DIAPH2: variants seen among roughly 807,000 people sequenced by gnomAD.
DIAPH2 encodes the protein diaphanous related formin 2, also known as protein diaphanous homolog 2.
Under a neutral mutation model 92.7 loss-of-function variants are expected in DIAPH2, and 35 were observed. That is an observed-to-expected ratio of 0.38 (90% CI 0.29 to 0.50). The LOEUF (loss-of-function observed/expected upper bound fraction) is 0.50, where lower values mean the gene tolerates loss of function less well. Ranked by LOEUF, DIAPH2 falls within the 20% of genes least tolerant of loss-of-function variation. DIAPH2 has a pLI of 0.94. For synonymous variants in DIAPH2, 301 were observed against 280.4 expected (o/e 1.07, Z -0.73); for missense variants, 701 against 819.5 (o/e 0.86, Z 1.77).
intron 15 of DIAPH2, among the ~76,000 whole-genome samples, chrX:96,951,164 C>T (rs1255084105): frequency 9.1e-6 from 1 of 110,018 alleles, no homozygotes; most frequent in Admixed American, 9.7e-5. Flanking sequence ...GAGCACCCTT[C>T]AACATCTCCT....
chrX:96,821,072 G>A lies in DIAPH2; in HGVS notation c.448-60507G>A, dbSNP rs775772696. Reference sequence around the variant, plus strand: ...CCAGTTTGGGTAGGAAGTAGTATGAGCGCCAAGTGATAGGAGAATCGATCA... The same window carrying A: ...CCAGTTTGGGTAGGAAGTAGTATGAACGCCAAGTGATAGGAGAATCGATCA... On this transcript the variant is annotated intron_variant, in intron 4 of 26. Coordinates refer to ENST00000324765, the MANE Select transcript of DIAPH2 (RefSeq NM_006729.5). Among the ~76,000 whole-genome samples the A allele has an allele frequency of 5.4e-5, 6 of 111,562 alleles. No homozygotes were observed. The East Asian group carries it at 1.7e-3, about 31-fold the overall frequency.
chrX:96,705,303 C>T (rs1022020704), intron 1 of DIAPH2, among the ~76,000 whole-genome samples: 6 of 111,126 alleles, frequency 5.4e-5, no homozygotes, highest in African/African-American at 1.6e-4. Flanking sequence ...GAGCTATGAT[C>T]GTGCCACTGC....
chrX:97,213,834 A>G (rs1282313344), intron 22 of DIAPH2, among the ~76,000 whole-genome samples: 1 of 112,262 alleles, frequency 8.9e-6, no homozygotes, highest in African/African-American at 3.2e-5. Context: ...TACACATAGT[A>G]AGGGAAACAG....
chrX:97,272,199 A>C (rs778162159), intron 23 of DIAPH2, among the ~76,000 whole-genome samples: 1 of 110,063 alleles, frequency 9.1e-6, no homozygotes, highest in Non-Finnish European at 1.9e-5. Flanking sequence ...GGGTTTCACT[A>C]TCTTGGCCAG....
At position 96,700,302 on chromosome X, in the gene DIAPH2, C is replaced by T. The variant is rs145222523; in HGVS notation, c.132+15112C>T. Among the ~76,000 whole-genome samples, 605 of 112,546 alleles carry T rather than the reference C, an allele frequency of 5.4e-3. 6 individuals carry two copies. Among genetic ancestry groups the T allele is most frequent in the Non-Finnish European group, 6.8e-3 (364 of 53,283 alleles). On this transcript the variant is annotated intron_variant, in intron 1 of 26. Transcript: ENST00000324765. ...TACAGGCCTGAGCCATGCATCTGGC[C>T]TGAATTTTAGATTCTATGGTACAGT...
At chrX:96,930,432 C>T (rs1378100583) in intron 9 of DIAPH2, among the ~76,000 whole-genome samples, 1 of 111,030 alleles carries the variant, frequency 9.0e-6, no homozygotes, top group African/African-American at 3.3e-5. Context: ...TTTCAAAGGG[C>T]TCTGTCTGCC....
chrX:96,877,489 T>A (rs890397820), intron 4 of DIAPH2, among the ~76,000 whole-genome samples: 1 of 111,883 alleles, frequency 8.9e-6, no homozygotes, highest in Non-Finnish European at 1.9e-5. Context: ...TTGCTATCTA[T>A]GTGCATGCTG....
chrX:97,111,514 G>A (rs771561233), intron 20 of DIAPH2, among the ~76,000 whole-genome samples: 1 of 112,048 alleles, frequency 8.9e-6, no homozygotes, highest in African/African-American at 3.2e-5. Flanking sequence ...ATTATTGCCG[G>A]CAGACTTCAA....
At chrX:97,463,784 A>C (rs1307536763) in intron 26 of DIAPH2, among the ~76,000 whole-genome samples, 2 of 111,123 alleles carry the variant, frequency 1.8e-5, no homozygotes, top group Non-Finnish European at 3.8e-5. Context: ...AGGCAAGGAG[A>C]GGTTAAGTAA....
chrX:96,687,947 G>T (rs1459787456), intron 1 of DIAPH2, among the ~76,000 whole-genome samples: 1 of 111,267 alleles, frequency 9.0e-6, no homozygotes, highest in Non-Finnish European at 1.9e-5. Flanking sequence ...TTTTGGTTAG[G>T]CCCAGATTGC....
chrX:96,932,202 A>G (rs2065623908), intron 10 of DIAPH2, among the ~76,000 whole-genome samples: 1 of 110,733 alleles, frequency 9.0e-6, no homozygotes, highest in South Asian at 3.8e-4. Context: ...GCATCTTTGA[A>G]GACTTGCTGG....
chrX:97,247,632 A>T, intron 22 of DIAPH2, 83 bp from the exon 23 acceptor site: 1 of 934,694 alleles, frequency 1.1e-6, no homozygotes, highest in Non-Finnish European at 1.5e-6. Flanking sequence ...AAAAAAAAAG[A>T]CTTTAACTGA....
chrX:97,417,445 C>T (rs1236750599), intron 25 of DIAPH2, among the ~76,000 whole-genome samples: 1 of 110,128 alleles, frequency 9.1e-6, no homozygotes, highest in African/African-American at 3.3e-5. Context: ...AAATAATGAA[C>T]ACCGGATCAC....
At chrX:97,451,723 A>G (rs5967311) in intron 26 of DIAPH2, among the ~76,000 whole-genome samples, 43,040 of 110,028 alleles carry the variant, frequency 0.39, 6,056 homozygotes, top group East Asian at 0.57. Flanking sequence ...CTATCAATAT[A>G]GAATAAGTCT....
chrX:97,431,397 A>T (rs1201147184), intron 26 of DIAPH2: 1 of 112,371 alleles, frequency 8.9e-6, no homozygotes, highest in South Asian at 3.7e-4. Context: ...AAAAATGCAC[A>T]TTTGCTAAAG....
chrX:97,005,819 G>A (rs145943877), intron 17 of DIAPH2, among the ~76,000 whole-genome samples: 1,110 of 110,905 alleles, frequency 0.01, 13 homozygotes, highest in African/African-American at 0.034. Flanking sequence ...GATTACAGGC[G>A]TGAGCCACCA....
chrX:96,980,115 A>T (rs1039553317), intron 17 of DIAPH2, among the ~76,000 whole-genome samples: 1 of 111,681 alleles, frequency 9.0e-6, no homozygotes, highest in Non-Finnish European at 1.9e-5. Context: ...TTAACAGCTC[A>T]GTGGACCCTG....
chrX:97,560,205 C>T (rs1395280616), intron 26 of DIAPH2, among the ~76,000 whole-genome samples: 1 of 112,115 alleles, frequency 8.9e-6, no homozygotes, highest in Non-Finnish European at 1.9e-5. Context: ...TGATCATTTC[C>T]CATCTGTATA....
At chrX:96,964,841 T>C (rs1382306159) in intron 16 of DIAPH2, among the ~76,000 whole-genome samples, 1 of 111,392 alleles carries the variant, frequency 9.0e-6, no homozygotes, top group Non-Finnish European at 1.9e-5. Context: ...TTTTTAAGAC[T>C]CCTTCCAGTA....
Sources: allele counts gnomAD v4.1 joint callset (sites outside exome capture counted in the v4.1 genomes callset), GRCh38; gene constraint gnomAD v4.1.1; transcripts MANE v1.5; gene names NCBI Gene and HGNC (gene_info 2026-07-23, HGNC 2026-07-21).